Variants in NRG4 observed in about 807,000 individuals in gnomAD.
NRG4 encodes the protein neuregulin 4.
In NRG4, 10 loss-of-function variants were observed where a neutral mutation model predicts 15.0. That is an observed-to-expected ratio of 0.67 (90% confidence interval 0.41 to 1.13). The LOEUF is 1.13. NRG4 is among the 50% of genes most tolerant of loss of function. NRG4 has a pLI of 0.00. For missense variants in NRG4, 139 were observed against 140.2 expected, an observed-to-expected ratio of 0.99 and a Z score of 0.04; for synonymous variants, 41 against 50.1, an observed-to-expected ratio of 0.82 and a Z score of 0.77.
intron 3 of NRG4, chr15:75,971,332 G>C: frequency 2.7e-6 from 1 of 377,202 alleles, no homozygotes; most frequent in South Asian, 2.0e-5. Flanking sequence ...ATCCCTATTG[G>C]GTGAGATGAC....
At chr15:75,958,281 G>A (rs1398642615) in intron 4 of NRG4, among the ~76,000 whole-genome samples, 2 of 152,012 alleles carry the variant, frequency 1.3e-5, no homozygotes, top group Non-Finnish European at 2.9e-5. Context: ...CAAAGTGCTG[G>A]GATTACAGGC....
chr15:75,962,872 G>A (rs1393875659), intron 3 of NRG4, among the ~76,000 whole-genome samples: 3 of 152,162 alleles, frequency 2.0e-5, no homozygotes. Flanking sequence ...GTGTATGTGT[G>A]TGTAAAACCA....
rs1001075271 is a variant in NRG4 at position 75,977,996 on chromosome 15, T to A, written c.105-16022A>T. Reference sequence around the variant, plus strand: ...CATGCCCAGCTAATTTTTGTATTTTTAGTAGAGATGGGATTTCACCATGTT... The same window carrying A: ...CATGCCCAGCTAATTTTTGTATTTTAAGTAGAGATGGGATTTCACCATGTT... On this transcript the variant is annotated intron_variant, in intron 3 of 5. Transcript: ENST00000394907. This position sits in a 1 kb window ranked among gnomAD's most constrained non-coding sequence, Gnocchi z 4.9. Among the ~76,000 whole-genome samples, 1 of 152,038 alleles carries A rather than the reference T, an allele frequency of 6.6e-6. No individual in the cohort carries two copies. Among genetic ancestry groups the A allele is most frequent in the Non-Finnish European group, 1.5e-5 (1 of 68,004 alleles).
At chr15:75,939,736 A>G (rs931156339), downstream of NRG4, 2 of 152,202 alleles carry the variant, frequency 1.3e-5, no homozygotes, top group Admixed American at 6.5e-5. Context: ...TCAACATACA[A>G]AAATCAATAT....
chr15:76,059,915 CGGGGCCGCGAGGGGGCGGG>C (rs1038333762), upstream of NRG4: 2 of 142,256 alleles, frequency 1.4e-5, no homozygotes, highest in African/African-American at 5.0e-5. Context: ...GAGGGAGCGG[CGGGGCCGCGAGGGGGCGGG>C]GGGGCGGAGA....
At chr15:76,008,961 T>C (rs532805709) in intron 3 of NRG4, among the ~76,000 whole-genome samples, 54 of 152,310 alleles carry the variant, frequency 3.5e-4, no homozygotes, top group African/African-American at 6.7e-4. Flanking sequence ...TAAAAATGTG[T>C]CTAGGCTAGG....
chr15:75,995,501 C>T (rs1415678584), intron 3 of NRG4, among the ~76,000 whole-genome samples: 1 of 152,108 alleles, frequency 6.6e-6, no homozygotes, highest in Non-Finnish European at 1.5e-5. Context: ...GATCCAAACA[C>T]CTCCCACTAG....
At chr15:76,056,083 T>G (rs1158010227) in intron 2 of NRG4, among the ~76,000 whole-genome samples, 1 of 152,222 alleles carries the variant, frequency 6.6e-6, no homozygotes, top group East Asian at 1.9e-4. Flanking sequence ...ACAGACTGCA[T>G]GCACATGAAT....
At chr15:75,962,306 T>C (rs1377040914) in intron 3 of NRG4, among the ~76,000 whole-genome samples, 2 of 152,240 alleles carry the variant, frequency 1.3e-5, no homozygotes. Context: ...TGACTTTTTG[T>C]TGTATCTGGT....
Position 75,991,691 on chromosome 15 carries a change from A to G in NRG4, c.104+17509T>C, listed in dbSNP as rs572913935. 6.6e-5 allele frequency among the ~76,000 whole-genome samples: 10 copies of G among 151,928 alleles called. No individual in the cohort carries two copies. In the South Asian group the frequency reaches 8.4e-4, roughly 13 times the overall value. On this transcript the variant is annotated intron_variant, in intron 3 of 5. Coordinates refer to ENST00000394907, the MANE Select transcript of NRG4 (RefSeq NM_138573.4). ...TGAGAGAGGGATGTTAAAATCTCCA[A>G]TTAGTGGATTTATCTGTTTCTCCCT...
At chr15:75,962,516 CA>C (rs932568198) in intron 3 of NRG4, among the ~76,000 whole-genome samples, 13 of 152,184 alleles carry the variant, frequency 8.5e-5, no homozygotes, top group African/African-American at 3.1e-4. Context: ...CACACTGCTT[CA>C]ATACTGTTAC....
intron 3 of NRG4, among the ~76,000 whole-genome samples, chr15:75,963,270 A>G (rs1266901207): frequency 2.6e-5 from 4 of 152,272 alleles, no homozygotes; most frequent in Non-Finnish European, 4.4e-5. Context: ...AGATTCTCCT[A>G]AACTACCATA....
chr15:75,947,412 ATGAGTAGCC>A (rs1159546380), intron 5 of NRG4, among the ~76,000 whole-genome samples: 2 of 152,186 alleles, frequency 1.3e-5, no homozygotes, highest in African/African-American at 4.8e-5. Flanking sequence ...TCTCATCCTT[ATGAGTAGCC>A]TGCCCTGAAT....
chr15:75,971,623 C>T lies in NRG4; in HGVS notation c.105-9649G>A, dbSNP rs564880496. Among the ~76,000 whole-genome samples, 7 of 152,152 alleles carry T rather than the reference C, an allele frequency of 4.6e-5. No individual in the cohort carries two copies. In the South Asian group the frequency reaches 1.5e-3, roughly 32 times the overall value. ...ATTACAGTATAATGTCTCTTAAATT[C>T]AAGGAGCTCTGTTCTTATTGACTTA... On this transcript the variant is annotated intron_variant, in intron 3 of 5. Transcript: ENST00000394907.
intron 3 of NRG4, among the ~76,000 whole-genome samples, chr15:75,976,837 C>A (rs1248707368): frequency 6.6e-6 from 1 of 152,182 alleles, no homozygotes; most frequent in Admixed American, 6.5e-5. Flanking sequence ...GCAGTCTGTC[C>A]CTTAGCAGAG....
chr15:75,942,170 G>A lies in NRG4; in HGVS notation c.*1468C>T, dbSNP rs941965070. 2.0e-5 allele frequency: 3 copies of A among 151,540 alleles called. No homozygotes were observed. Among genetic ancestry groups the A allele is most frequent in the Admixed American group, 1.3e-4 (2 of 15,212 alleles). The allele number at this position is 151,540 out of a possible 1,614,324, so 9.4% of individuals were successfully genotyped here. On this transcript the variant is annotated 3_prime_UTR_variant, in exon 6 of 6. Transcript: ENST00000394907. ...GAGGTTCAGTGGGAGAGAGGGAGGG[G>A]TAAATACATGGAGTAGAGATTTTTA...
chr15:76,026,028 A>C (rs1319117863), intron 5 of NRG4, among the ~76,000 whole-genome samples: 1 of 152,118 alleles, frequency 6.6e-6, no homozygotes, highest in Non-Finnish European at 1.5e-5. Context: ...GATATATGAG[A>C]CATCATTAAG....
Position 76,044,253 on chromosome 15 carries a change from C to T in NRG4, c.-105+7814G>A, listed in dbSNP as rs372904237. Among the ~76,000 whole-genome samples the T allele has an allele frequency of 8.6e-5, 13 of 150,626 alleles. 1 individual carries two copies. Among genetic ancestry groups the T allele is most frequent in the African/African-American group, 2.5e-4 (10 of 40,456 alleles). Reference sequence around the variant, plus strand: ...TCCTGACCTCATGATCCACCCGCCTCGGCCTCCCAAAGTGCTGGGATTACA... The same window carrying T: ...TCCTGACCTCATGATCCACCCGCCTTGGCCTCCCAAAGTGCTGGGATTACA... On this transcript the variant is annotated intron_variant, in intron 4 of 8. Coordinates refer to the NRG4 transcript ENST00000563910.
intron 2 of NRG4, among the ~76,000 whole-genome samples, chr15:76,055,150 C>G (rs2036123334): frequency 6.6e-6 from 1 of 152,002 alleles, no homozygotes; most frequent in African/African-American, 2.4e-5. Context: ...AGGCGTGGTG[C>G]TGGGCGCCTG....
Sources: allele counts gnomAD v4.1 joint callset (sites outside exome capture counted in the v4.1 genomes callset), GRCh38; gene constraint gnomAD v4.1.1; non-coding constraint Gnocchi (gnomAD v3.1); transcripts MANE v1.5; gene names NCBI Gene and HGNC (gene_info 2026-07-23, HGNC 2026-07-21).